RAB38: variants seen among roughly 807,000 people sequenced by gnomAD.
The protein encoded by RAB38 is RAB38, member RAS oncogene family.
Under a neutral mutation model 18.4 loss-of-function variants are expected in RAB38, and 15 were observed. The observed-to-expected ratio is 0.82, with a 90% confidence interval of 0.55 to 1.26. The LOEUF is 1.26. Among genes scored for constraint, RAB38 ranks in the 50% most tolerant of loss-of-function variants. The pLI, the probability that RAB38 is intolerant of heterozygous loss-of-function variation, is 0.00. For synonymous variants in RAB38, 101 were observed against 104.4 expected (o/e 0.97, Z 0.20); for missense variants, 294 against 267.4 (o/e 1.10, Z -0.69).
At chr11:88,165,985 CAG>C (rs953589280) in intron 1 of RAB38, 1 of 151,972 alleles carries the variant, frequency 6.6e-6, no homozygotes, top group Non-Finnish European at 1.5e-5. Flanking sequence ...TTACTACTGA[CAG>C]AGAGAACTAG....
chr11:87,830,148 T>G, the RAB38 span, among the ~76,000 whole-genome samples: 3 of 152,112 alleles, frequency 2.0e-5, no homozygotes, highest in Non-Finnish European at 2.9e-5. Context: ...CAGAATTATA[T>G]TAGACATTGT....
the RAB38 span, among the ~76,000 whole-genome samples, chr11:88,047,244 A>G: frequency 7.9e-5 from 12 of 152,120 alleles, no homozygotes; most frequent in Non-Finnish European, 1.8e-4. Context: ...CTGGACTTCA[A>G]TCCGGCCTCC....
downstream of RAB38, among the ~76,000 whole-genome samples, chr11:88,110,734 T>C (rs1287708789): frequency 1.3e-5 from 2 of 151,624 alleles, no homozygotes; most frequent in South Asian, 2.1e-4. Flanking sequence ...GAAGAATCAC[T>C]TGAACCTGGG....
chr11:88,079,624 T>A, the RAB38 span, among the ~76,000 whole-genome samples: 1 of 151,748 alleles, frequency 6.6e-6, no homozygotes, highest in Non-Finnish European at 1.5e-5. Flanking sequence ...ACATTGCTCA[T>A]GGAAATAGAT....
chr11:88,030,503 G>C, the RAB38 span, among the ~76,000 whole-genome samples: 1 of 152,108 alleles, frequency 6.6e-6, no homozygotes, highest in Non-Finnish European at 1.5e-5. Flanking sequence ...AAGAAAAAAA[G>C]AGAGAAGAAT....
the RAB38 span, among the ~76,000 whole-genome samples, chr11:87,870,860 T>C: frequency 6.6e-6 from 1 of 151,678 alleles, no homozygotes; most frequent in Non-Finnish European, 1.5e-5. Context: ...TTGTGCATTA[T>C]GTTCAGACCA....
chr11:88,034,738 C>A, the RAB38 span, among the ~76,000 whole-genome samples: 1 of 152,156 alleles, frequency 6.6e-6, no homozygotes, highest in Non-Finnish European at 1.5e-5. Context: ...TTTGACCTTA[C>A]ACCTTTACTG....
the RAB38 span, among the ~76,000 whole-genome samples, chr11:87,850,467 C>CGT: frequency 8.6e-5 from 13 of 151,016 alleles, no homozygotes; most frequent in South Asian, 4.2e-4. Context: ...AAGCAGAGAG[C>CGT]GTGTGTGTGT....
chr11:88,123,742 A>G (rs1942657711), intron 2 of RAB38, among the ~76,000 whole-genome samples: 1 of 152,222 alleles, frequency 6.6e-6, no homozygotes, highest in Non-Finnish European at 1.5e-5. Context: ...CCTTACCTAT[A>G]AGGCAGAGAT....
At chr11:88,154,203 G>C (rs940527647) in intron 1 of RAB38, among the ~76,000 whole-genome samples, 3 of 152,214 alleles carry the variant, frequency 2.0e-5, no homozygotes, top group Non-Finnish European at 2.9e-5. Flanking sequence ...AACAGCTGCA[G>C]ACATTTTCCC....
the RAB38 span, among the ~76,000 whole-genome samples, chr11:87,861,327 C>G: frequency 6.6e-6 from 1 of 151,938 alleles, no homozygotes; most frequent in Non-Finnish European, 1.5e-5. Flanking sequence ...TCACTCAGAT[C>G]AGCTGCAGAC....
At chr11:87,958,766 C>T in the RAB38 span, among the ~76,000 whole-genome samples, 1 of 152,134 alleles carries the variant, frequency 6.6e-6, no homozygotes, top group Non-Finnish European at 1.5e-5. Flanking sequence ...ACAGGGCATA[C>T]GTTTGCCTTG....
At chr11:87,892,721 A>G in the RAB38 span, among the ~76,000 whole-genome samples, 1 of 151,768 alleles carries the variant, frequency 6.6e-6, no homozygotes, top group African/African-American at 2.4e-5. Flanking sequence ...TTCTTTGGTT[A>G]GCTCAATTCT....
chr11:88,086,570 G>T, the RAB38 span, among the ~76,000 whole-genome samples: 1 of 151,908 alleles, frequency 6.6e-6, no homozygotes, highest in Non-Finnish European at 1.5e-5. Flanking sequence ...CAAAGAGCTG[G>T]ATATTAGAGT....
At chr11:88,096,248 T>G in the RAB38 span, among the ~76,000 whole-genome samples, 1 of 152,030 alleles carries the variant, frequency 6.6e-6, no homozygotes, top group African/African-American at 2.4e-5. Flanking sequence ...TTGACCTCTT[T>G]ACAGTTCCTT....
the RAB38 span, among the ~76,000 whole-genome samples, chr11:87,945,877 A>G: frequency 6.6e-6 from 1 of 152,144 alleles, no homozygotes; most frequent in African/African-American, 2.4e-5. Flanking sequence ...GTTAGCTTTT[A>G]TTGGAAATCT....
At chr11:87,961,582 T>C in the RAB38 span, among the ~76,000 whole-genome samples, 2 of 152,142 alleles carry the variant, frequency 1.3e-5, no homozygotes, top group African/African-American at 2.4e-5. Flanking sequence ...CCAACTAGAT[T>C]TGATTTTCTC....
chr11:87,875,491 T>C, the RAB38 span, among the ~76,000 whole-genome samples: 1 of 151,502 alleles, frequency 6.6e-6, no homozygotes, highest in East Asian at 2.0e-4. Context: ...ATTTTAGATT[T>C]AGGGTATCAA....
At chr11:88,024,243 T>C in the RAB38 span, among the ~76,000 whole-genome samples, 1 of 152,116 alleles carries the variant, frequency 6.6e-6, no homozygotes, top group African/African-American at 2.4e-5. Flanking sequence ...TAGACATTTC[T>C]CAAAAGAAGA....
Sources: gnomAD v4.1 joint callset for allele counts (sites outside exome capture counted in the v4.1 genomes callset) on GRCh38, gnomAD v4.1.1 for gene constraint, MANE v1.5 for transcripts, NCBI Gene and HGNC (gene_info 2026-07-23, HGNC 2026-07-21) for gene names.